Variants in SEC63 observed in about 807,000 individuals in gnomAD.
SEC63 encodes SEC63 protein translocation regulator.
A neutral mutation model predicts 116.2 loss-of-function variants in SEC63; 56 were observed. The observed-to-expected ratio is 0.48, with a 90% CI of 0.39 to 0.60. The LOEUF (loss-of-function observed/expected upper bound fraction) is 0.60, where lower values mean the gene tolerates loss of function less well. SEC63 is among the 20% of genes least tolerant of loss of function. SEC63 has a pLI of 0.00. For missense variants in SEC63, 668 were observed against 900.0 expected, an observed-to-expected ratio of 0.74 and a Z score of 3.30; for synonymous variants, 273 against 294.6, an observed-to-expected ratio of 0.93 and a Z score of 0.75.
In SEC63 at chr6:107,909,020, G is replaced by A. The variant is rs1368651393; in HGVS notation, c.640C>T (p.Arg214Cys). The change falls in exon 8 of 21, where the codon CGC becomes TGC. Residue 214 changes from arginine (R) to cysteine (C), a missense_variant. Physicochemically the swap from Arg to Cys is radical, Grantham distance 180. Coordinates refer to ENST00000369002, the MANE Select transcript of SEC63 (RefSeq NM_007214.5). ...TGGTCTCCACTATAGCGTATTGAGC[G>A]ATACCACCAAGAGCCCTAAAACACA... ...LPVVVGSWWY[R>C]SIRYSGDQIL... 8.7e-6 allele frequency: 14 copies of A among 1,610,572 alleles called. No homozygotes were observed. Among genetic ancestry groups the A allele is most frequent in the Admixed American group, 1.7e-5 (1 of 59,908 alleles).
At chr6:107,905,785 T>C (rs1274784545) in intron 10 of SEC63, among the ~76,000 whole-genome samples, 2 of 152,226 alleles carry the variant, frequency 1.3e-5, no homozygotes, top group Non-Finnish European at 2.9e-5. Flanking sequence ...TGATCTGCAA[T>C]TAACTAAACA....
chr6:107,934,334 G>A (rs547321704), intron 1 of SEC63, among the ~76,000 whole-genome samples: 1 of 151,310 alleles, frequency 6.6e-6, no homozygotes, highest in Non-Finnish European at 1.5e-5. Context: ...CTTCCCGGCC[G>A]TCATCCCATC....
chr6:107,906,519 T>C lies in SEC63; in HGVS notation c.890A>G (p.Tyr297Cys), dbSNP rs771633666. The C allele has an allele frequency of 1.2e-5, 20 of 1,613,640 alleles. No homozygotes were observed. The South Asian group carries it at 1.9e-4, about 15-fold the overall frequency. Residue 297 changes from tyrosine to cysteine, a missense_variant, in exon 10 of 21, where the codon TAT becomes TGT. Coordinates refer to ENST00000369002, the MANE Select transcript of SEC63 (RefSeq NM_007214.5). ...TAAAAGAACTCTGGCCTTCAGGCTA[T>C]ATGGGCAGGTAAGTGGAGGCTCATT... ...KKNEPPLTCP[Y>C]SLKARVLLLS...
intron 1 of SEC63, chr6:107,957,271 A>C (rs1770728854): frequency 6.6e-6 from 1 of 152,240 alleles, no homozygotes. Context: ...AGGAAATAGA[A>C]AAAAGCCTAT....
At chr6:107,876,817 G>T in intron 18 of SEC63, 155 bp from the exon 19 acceptor site, 1 of 616,016 alleles carries the variant, frequency 1.6e-6, no homozygotes, top group Non-Finnish European at 2.9e-6. Flanking sequence ...TTTACTGAAA[G>T]AATAAGCTGT....
intron 13 of SEC63, among the ~76,000 whole-genome samples, chr6:107,898,589 T>C (rs1352172930): frequency 6.6e-6 from 1 of 152,198 alleles, no homozygotes; most frequent in African/African-American, 2.4e-5. Flanking sequence ...AAAGCACTTT[T>C]GAAAAAGTAT....
chr6:107,924,991 C>T (rs1278247993), intron 2 of SEC63, 59 bp from the exon 3 acceptor site: 3 of 1,006,994 alleles, frequency 3.0e-6, no homozygotes, highest in South Asian at 1.3e-5. Flanking sequence ...AGTCTAAAGA[C>T]ATTATGGCAA....
intron 5 of SEC63, 55 bp downstream of exon 5, chr6:107,913,311 C>T (rs901293990): frequency 1.1e-5 from 12 of 1,111,662 alleles, no homozygotes; most frequent in Non-Finnish European, 1.7e-5. Context: ...ATCTGGTTAA[C>T]ATTTTTATAA....
chr6:107,935,480 G>A (rs3890453), intron 1 of SEC63, among the ~76,000 whole-genome samples: 128,460 of 148,734 alleles, frequency 0.86, 55,633 homozygotes, highest in Middle Eastern at 0.92. Flanking sequence ...CCTGTTGATC[G>A]GTGACCTTAC....
rs1254682877 is a variant in SEC63 at position 107,869,238 on chromosome 6, A to T, written c.*2466T>A. ...TGAAAAATGTTTAAAAAATTCAAAA[A>T]GGACATGAACATCTAACTCTGAGAT... On this transcript the variant is annotated 3_prime_UTR_variant, in exon 21 of 21. Coordinates refer to ENST00000369002, the MANE Select transcript of SEC63 (RefSeq NM_007214.5). 6.6e-6 allele frequency: 1 copy of T among 152,226 alleles called. No individual in the cohort carries two copies. The highest frequency in any genetic ancestry group is 1.5e-5 in the Non-Finnish European group (1 of 68,044). 9.4% of individuals were successfully genotyped at this position (152,226 alleles called of 1,614,324 possible).
chr6:107,937,590 A>G (rs1770283725), intron 1 of SEC63, among the ~76,000 whole-genome samples: 1 of 152,202 alleles, frequency 6.6e-6, no homozygotes, highest in Non-Finnish European at 1.5e-5. Flanking sequence ...GGGTCAAATC[A>G]CAATTCTCAG....
chr6:107,953,659 C>T (rs1465648837), intron 1 of SEC63, among the ~76,000 whole-genome samples: 1 of 144,432 alleles, frequency 6.9e-6, no homozygotes, highest in Non-Finnish European at 1.5e-5. Context: ...AGTGAGGAGC[C>T]CCTCTGCCCG....
At chr6:107,933,846 G>C (rs868107897) in intron 1 of SEC63, among the ~76,000 whole-genome samples, 5 of 152,158 alleles carry the variant, frequency 3.3e-5, no homozygotes, top group Admixed American at 1.3e-4. Context: ...TCAGCCTGCC[G>C]AGTGCCTGCG....
At chr6:107,893,456 G>T in intron 16 of SEC63, 26 bp downstream of exon 16, 2 of 1,596,936 alleles carry the variant, frequency 1.3e-6, no homozygotes, top group South Asian at 1.1e-5. Context: ...GCTTAATAAT[G>T]ATAATAACGA....
chr6:107,948,705 C>T (rs1395294192), intron 1 of SEC63, among the ~76,000 whole-genome samples: 1 of 152,084 alleles, frequency 6.6e-6, no homozygotes, highest in Non-Finnish European at 1.5e-5. Context: ...CCTCCTGATG[C>T]CCCCCACCAT....
chr6:107,924,559 CTG>C (rs1233787730), intron 3 of SEC63, among the ~76,000 whole-genome samples: 1 of 152,090 alleles, frequency 6.6e-6, no homozygotes, highest in Non-Finnish European at 1.5e-5. Flanking sequence ...GAGTGAGACT[CTG>C]TAAAAAAAAA....
chr6:107,893,793 A>G, intron 15 of SEC63, 45 bp downstream of exon 15: 1 of 1,609,070 alleles, frequency 6.2e-7, no homozygotes. Flanking sequence ...TAAATAAAAT[A>G]TTTCTTTCAC....
intron 19 of SEC63, among the ~76,000 whole-genome samples, chr6:107,875,470 G>A (rs1329827758): frequency 6.6e-6 from 1 of 152,160 alleles, no homozygotes; most frequent in Middle Eastern, 3.2e-3. Context: ...GCCAAAGCAG[G>A]CGGATCTCTT....
intron 10 of SEC63, among the ~76,000 whole-genome samples, chr6:107,905,373 A>G (rs979327358): frequency 6.6e-6 from 1 of 152,156 alleles, no homozygotes; most frequent in Non-Finnish European, 1.5e-5. Context: ...TCCTATCACC[A>G]ATTACTAAGC....
Sources: gnomAD v4.1 joint callset for allele counts (sites outside exome capture counted in the v4.1 genomes callset) on GRCh38, gnomAD v4.1.1 for gene constraint, MANE v1.5 for transcripts, NCBI Gene and HGNC (gene_info 2026-07-23, HGNC 2026-07-21) for gene names.